The following SMYD3 variants were observed in gnomAD, a reference collection of about 807,000 sequenced individuals.
SMYD3 encodes the protein SET and MYND domain containing 3, also known as histone-lysine N-methyltransferase SMYD3.
A neutral mutation model predicts 57.7 loss-of-function variants in SMYD3; 36 were observed. That is an observed-to-expected ratio of 0.62 (90% CI 0.48 to 0.82). The LOEUF (loss-of-function observed/expected upper bound fraction) is 0.82. Among genes scored for constraint, SMYD3 ranks in the 40% least tolerant of loss-of-function variants. The pLI is 0.00. For synonymous variants in SMYD3, 211 were observed against 195.0 expected (o/e 1.08, Z -0.68); for missense variants, 515 against 538.8 (o/e 0.96, Z 0.44).
At chr1:246,162,260 C>T (rs1053212889) in intron 5 of SMYD3, among the ~76,000 whole-genome samples, 1 of 152,134 alleles carries the variant, frequency 6.6e-6, no homozygotes, top group Admixed American at 6.6e-5. Flanking sequence ...CCTAAAAGAA[C>T]ATTCTAGAAC....
chr1:245,826,813 G>A (rs886516207), intron 10 of SMYD3, among the ~76,000 whole-genome samples: 6 of 150,786 alleles, frequency 4.0e-5, no homozygotes, highest in Non-Finnish European at 5.9e-5. Context: ...ATGAATGCAG[G>A]AGGAACTACC....
At chr1:246,170,232 CT>C (rs2062304816) in intron 5 of SMYD3, among the ~76,000 whole-genome samples, 1 of 152,040 alleles carries the variant, frequency 6.6e-6, no homozygotes, top group Middle Eastern at 3.4e-3. Context: ...TTTTCTCCCC[CT>C]CCTAGAAATA....
At chr1:246,429,232 G>A (rs994985065) in intron 1 of SMYD3, among the ~76,000 whole-genome samples, 2 of 151,940 alleles carry the variant, frequency 1.3e-5, no homozygotes, top group Non-Finnish European at 2.9e-5. Flanking sequence ...AAGCCACACT[G>A]TCCACTGCAA....
At position 245,875,124 on chromosome 1, in the gene SMYD3, C is replaced by T. The variant is rs1350631899; in HGVS notation, c.814-11238G>A. The stretch of plus-strand genomic sequence containing the variant: ...TGTCTGCATTTTTGATTCCAGTAAA[C>T]TCCAGGCTGGCTCTCAGCCAGAGGA... On this transcript the variant is annotated intron_variant, in intron 8 of 11. Transcript: ENST00000490107. Among the ~76,000 whole-genome samples the T allele has an allele frequency of 2.0e-5, 3 of 152,214 alleles. No homozygotes were observed. In the East Asian group the frequency reaches 5.8e-4, roughly 29 times the overall value.
At chr1:246,192,105 G>T (rs1240346765) in intron 5 of SMYD3, among the ~76,000 whole-genome samples, 1 of 152,008 alleles carries the variant, frequency 6.6e-6, no homozygotes, top group Non-Finnish European at 1.5e-5. Context: ...TGTTGTTTTT[G>T]TTGCTGTTGT....
chr1:246,056,116 G>C (rs1057310464), intron 5 of SMYD3, among the ~76,000 whole-genome samples: 1 of 152,084 alleles, frequency 6.6e-6, no homozygotes, highest in African/African-American at 2.4e-5. Flanking sequence ...TGTGACTGTG[G>C]CTTCATGGGT....
intron 11 of SMYD3, among the ~76,000 whole-genome samples, chr1:245,755,741 T>C (rs1403830398): frequency 2.0e-5 from 3 of 152,172 alleles, no homozygotes; most frequent in African/African-American, 7.2e-5. Context: ...ATAATGTATC[T>C]TTTTCCATCA....
intron 8 of SMYD3, among the ~76,000 whole-genome samples, chr1:245,892,024 C>A (rs1398049660): frequency 6.6e-6 from 1 of 152,068 alleles, no homozygotes; most frequent in East Asian, 1.9e-4. Context: ...AAGAGTGACG[C>A]CCTGTCTCAA....
intron 5 of SMYD3, among the ~76,000 whole-genome samples, chr1:245,982,134 A>C (rs569105664): frequency 6.6e-5 from 10 of 151,694 alleles, no homozygotes; most frequent in African/African-American, 2.4e-4. Context: ...GCTGTAATAG[A>C]ATCACATTTC....
chr1:246,316,769 G>A (rs2065167429), intron 5 of SMYD3, among the ~76,000 whole-genome samples: 1 of 150,752 alleles, frequency 6.6e-6, no homozygotes, highest in Admixed American at 6.6e-5. Context: ...GCCGAGGCGA[G>A]CGGATCACAA....
In SMYD3 at chr1:246,448,022, C is replaced by T. The variant is rs146300706; in HGVS notation, c.164+59032G>A. ...AAGTTGCATACATTTTAACTCATCC[C>T]TAAGACCTTTGGCATATGATTCCTA... On this transcript the variant is annotated intron_variant, in intron 1 of 11. Transcript: ENST00000490107. 2.0e-3 allele frequency among the ~76,000 whole-genome samples: 307 copies of T among 152,284 alleles called. 3 individuals carry two copies. The highest frequency in any genetic ancestry group is 7.1e-3 in the African/African-American group (295 of 41,552).
chr1:245,887,161 C>G (rs1364754314), intron 8 of SMYD3, among the ~76,000 whole-genome samples: 1 of 152,252 alleles, frequency 6.6e-6, no homozygotes, highest in Admixed American at 6.5e-5. Flanking sequence ...TCATAAAGAC[C>G]TTGCTGATAA....
At chr1:246,362,879 G>A (rs1349855565) in intron 1 of SMYD3, among the ~76,000 whole-genome samples, 1 of 151,744 alleles carries the variant, frequency 6.6e-6, no homozygotes, top group African/African-American at 2.4e-5. Context: ...CTGCCCGGCC[G>A]CCACCCCGTC....
At chr1:245,989,746 C>A (rs10924425) in intron 5 of SMYD3, among the ~76,000 whole-genome samples, 78,584 of 152,146 alleles carry the variant, frequency 0.52, 23,731 homozygotes, top group Middle Eastern at 0.69. Context: ...TACAGGCCAA[C>A]TTGGGTATGG....
chr1:245,837,271 AG>A (rs1258134096), intron 10 of SMYD3, among the ~76,000 whole-genome samples: 3 of 149,760 alleles, frequency 2.0e-5, no homozygotes, highest in Non-Finnish European at 4.4e-5. Context: ...GAAGAAGGAG[AG>A]GAAGAAGATG....
chr1:245,791,987 A>AGTGTGTGTGT (rs2148188922), intron 10 of SMYD3, among the ~76,000 whole-genome samples: 1 of 97,296 alleles, frequency 1.0e-5, no homozygotes, highest in African/African-American at 3.5e-5. Context: ...TGTGTGTGTA[A>AGTGTGTGTGT]GCGGTATACG....
At chr1:246,354,761 G>A (rs544564852) in intron 2 of SMYD3, among the ~76,000 whole-genome samples, 2 of 152,160 alleles carry the variant, frequency 1.3e-5, no homozygotes, top group South Asian at 4.2e-4. Context: ...GAGAATTGAA[G>A]TCGGGGGGCA....
chr1:245,789,584 C>T (rs2047181574), intron 10 of SMYD3, among the ~76,000 whole-genome samples: 1 of 152,170 alleles, frequency 6.6e-6, no homozygotes, highest in Non-Finnish European at 1.5e-5. Context: ...TATTTAAGTA[C>T]AATTGTGTGG....
At chr1:245,810,049 A>T (rs7542371) in intron 10 of SMYD3, among the ~76,000 whole-genome samples, 6,950 of 152,194 alleles carry the variant, frequency 0.046, 564 homozygotes, top group African/African-American at 0.16. Context: ...GGTACCATCC[A>T]TTTCACCACC....
Sources: gnomAD v4.1 joint callset for allele counts (sites outside exome capture counted in the v4.1 genomes callset) on GRCh38, gnomAD v4.1.1 for gene constraint, MANE v1.5 for transcripts, NCBI Gene and HGNC (gene_info 2026-07-23, HGNC 2026-07-21) for gene names.